Variants in MBNL2 observed in about 807,000 individuals in gnomAD.
MBNL2 encodes the protein muscleblind like splicing regulator 2, also known as muscleblind-like protein 2.
In MBNL2, 17 loss-of-function variants were observed where a neutral mutation model predicts 41.9. The ratio of observed to expected loss-of-function variants is 0.41; its 90% CI spans 0.28 to 0.61. The LOEUF is 0.61. Ranked by LOEUF, MBNL2 falls within the 20% of genes least tolerant of loss-of-function variation. The pLI, the probability that MBNL2 is intolerant of heterozygous loss-of-function variation, is 0.35. For missense variants in MBNL2, 336 were observed against 505.6 expected (o/e 0.66, Z 3.22); for synonymous variants, 195 against 182.9 (o/e 1.07, Z -0.53).
chr13:97,173,943 C>T, the MBNL2 span, among the ~76,000 whole-genome samples: 29 of 152,214 alleles, frequency 1.9e-4, no homozygotes, highest in East Asian at 1.9e-3. Context: ...ATTCATGTGC[C>T]GTAAAAATTT....
the MBNL2 span, among the ~76,000 whole-genome samples, chr13:97,144,653 A>C: frequency 4.7e-4 from 71 of 151,932 alleles, 2 homozygotes; most frequent in East Asian, 0.013. Flanking sequence ...GGCTGGTCTC[A>C]AAACCCTGAC....
chr13:97,287,928 TG>T (rs796399887), intron 2 of MBNL2, among the ~76,000 whole-genome samples: 329 of 88,002 alleles, frequency 3.7e-3, no homozygotes, highest in African/African-American at 7.6e-3. Context: ...GTTTTTTTTT[TG>T]TTTTGTTTTG....
chr13:97,334,390 C>G lies in MBNL2; in HGVS notation c.289C>G (p.Leu97Val). ...TCAGCAAAAAACTGCAGCAGCAATG[C>G]TTGCCCAGCAGATGCAATTTATGTT... ...LIQQKTAAAMLAQQMQFMFPG... is the reference protein window; with the variant it reads ...LIQQKTAAAMVAQQMQFMFPG... Residue 97 changes from leucine to valine, a missense_variant, in exon 3 of 9, where the codon CTT becomes GTT. Transcript: ENST00000679496. The surrounding 1 kb of genome is among the most constrained non-coding windows in gnomAD (Gnocchi z 5.3). The G allele has an allele frequency of 6.2e-7, 1 of 1,613,502 alleles. No individual in the cohort carries two copies. The highest frequency in any genetic ancestry group is 8.5e-7 in the Non-Finnish European group (1 of 1,179,588).
At chr13:97,222,643 G>A in intron 1 of MBNL2, 112 bp downstream of exon 1, 1 of 394,498 alleles carries the variant, frequency 2.5e-6, no homozygotes, top group Non-Finnish European at 4.5e-6. Context: ...TAATTCAATT[G>A]TAATACTTGC....
the MBNL2 span, among the ~76,000 whole-genome samples, chr13:97,188,482 GCA>G: frequency 6.6e-6 from 1 of 151,898 alleles, no homozygotes; most frequent in Non-Finnish European, 1.5e-5. Flanking sequence ...CACACCTGCC[GCA>G]CACACATATT....
intron 8 of MBNL2, among the ~76,000 whole-genome samples, chr13:97,388,016 T>C (rs1338742224): frequency 1.3e-5 from 2 of 152,036 alleles, no homozygotes; most frequent in South Asian, 2.1e-4. Context: ...GTAGGGAACT[T>C]TGGGCACCAG....
At chr13:97,381,874 C>T (rs778667267) in intron 8 of MBNL2, among the ~76,000 whole-genome samples, 73 of 151,880 alleles carry the variant, frequency 4.8e-4, no homozygotes, top group Admixed American at 2.4e-3. Context: ...ATATTGTCTG[C>T]ATATTACATA....
upstream of MBNL2, among the ~76,000 whole-genome samples, chr13:97,217,386 A>G (rs192750125): frequency 2.9e-4 from 44 of 152,328 alleles, no homozygotes; most frequent in Middle Eastern, 0.017. Context: ...CTAGCGAGGT[A>G]CATAAACAAG....
chr13:97,362,262 C>T (rs1433398314), intron 7 of MBNL2, among the ~76,000 whole-genome samples: 5 of 152,022 alleles, frequency 3.3e-5, no homozygotes, highest in African/African-American at 7.3e-5. Flanking sequence ...TGTCAGCACT[C>T]AAAAAGTTTT....
In MBNL2 at chr13:97,346,470, C is replaced by T. The variant is rs187692730; in HGVS notation, c.541-334C>T. Among the ~76,000 whole-genome samples, 1 of 147,766 alleles carries T rather than the reference C, an allele frequency of 6.8e-6. No individual in the cohort carries two copies. Among genetic ancestry groups the T allele is most frequent in the Non-Finnish European group, 1.5e-5 (1 of 64,880 alleles). On this transcript the variant is annotated intron_variant, in intron 4 of 8. Coordinates refer to ENST00000679496, the MANE Select transcript of MBNL2 (RefSeq NM_001382683.1). This position sits in a 1 kb window ranked among gnomAD's most constrained non-coding sequence, Gnocchi z 4.2. ...ATAGATATATGGATGGATGGATAGA[C>T]AGACAGACAGATCGATAGACAGCTG...
chr13:97,221,228 G>T (rs1365059512), upstream of MBNL2, among the ~76,000 whole-genome samples: 2 of 152,038 alleles, frequency 1.3e-5, no homozygotes, highest in African/African-American at 4.8e-5. Context: ...GTTCTGTCTT[G>T]GTCTCATCAT....
At chr13:97,247,868 C>T (rs2152830937) in intron 1 of MBNL2, among the ~76,000 whole-genome samples, 1 of 152,296 alleles carries the variant, frequency 6.6e-6, no homozygotes, top group African/African-American at 2.4e-5. Context: ...ATCTAGAAAA[C>T]ATTTACTACT....
At chr13:97,371,255 T>TAATC (rs1289405388) in intron 8 of MBNL2, among the ~76,000 whole-genome samples, 1 of 152,204 alleles carries the variant, frequency 6.6e-6, no homozygotes, top group African/African-American at 2.4e-5. Flanking sequence ...TTAATTTACT[T>TAATC]AATCACATTC....
chr13:97,193,484 A>C, the MBNL2 span, among the ~76,000 whole-genome samples: 1 of 152,242 alleles, frequency 6.6e-6, no homozygotes, highest in Non-Finnish European at 1.5e-5. Context: ...TTAAGAGCAC[A>C]AATCCTGCAG....
chr13:97,391,688 C>A lies in MBNL2; in HGVS notation c.*239C>A. 2.6e-6 allele frequency: 1 copy of A among 384,844 alleles called. No individual in the cohort carries two copies. The highest frequency in any genetic ancestry group is 4.6e-6 in the Non-Finnish European group (1 of 217,444). 23.8% of individuals were successfully genotyped at this position (384,844 alleles called of 1,614,324 possible). On this transcript the variant is annotated 3_prime_UTR_variant, in exon 9 of 9. Coordinates refer to ENST00000679496, the MANE Select transcript of MBNL2 (RefSeq NM_001382683.1). ...CATAACTATAGCTGATGCAGAAAGT[C>A]CAGCCAGTTTACTCATTTCGATTCA...
chr13:97,347,839 A>G (rs1437463168), intron 5 of MBNL2, among the ~76,000 whole-genome samples: 1 of 152,152 alleles, frequency 6.6e-6, no homozygotes, highest in Non-Finnish European at 1.5e-5. Context: ...AAGCCTGTGG[A>G]GCCTCCAGAA....
intron 8 of MBNL2, among the ~76,000 whole-genome samples, chr13:97,381,067 C>A (rs1594293858): frequency 6.7e-6 from 1 of 148,932 alleles, no homozygotes; most frequent in African/African-American, 2.5e-5. Context: ...GTTAACCTCT[C>A]TCTCTATCTC....
At chr13:97,308,826 G>C (rs1239850298) in intron 2 of MBNL2, among the ~76,000 whole-genome samples, 8 of 152,194 alleles carry the variant, frequency 5.3e-5, no homozygotes, top group African/African-American at 9.7e-5. Flanking sequence ...TCTTAAGGAA[G>C]GTACAGTCTA....
the MBNL2 span, among the ~76,000 whole-genome samples, chr13:97,171,558 T>G: frequency 6.6e-6 from 1 of 152,238 alleles, no homozygotes; most frequent in African/African-American, 2.4e-5. Flanking sequence ...CTTGATATCC[T>G]CATTACATAA....
Sources: gnomAD v4.1 joint callset for allele counts (sites outside exome capture counted in the v4.1 genomes callset) on GRCh38, gnomAD v4.1.1 for gene constraint, Gnocchi (gnomAD v3.1) non-coding constraint, MANE v1.5 for transcripts, NCBI Gene and HGNC (gene_info 2026-07-23, HGNC 2026-07-21) for gene names.